The following DIAPH3 variants were observed in gnomAD, a reference collection of about 807,000 sequenced individuals.
DIAPH3 encodes the protein diaphanous related formin 3.
In DIAPH3, 117 loss-of-function variants were observed where a neutral mutation model predicts 144.3. The ratio of observed to expected loss-of-function variants is 0.81; its 90% CI spans 0.70 to 0.95. DIAPH3 has a LOEUF of 0.95. Ranked by LOEUF, DIAPH3 falls within the 40% of genes least tolerant of loss-of-function variation. DIAPH3 has a pLI of 0.00. For synonymous variants in DIAPH3, 519 were observed against 488.9 expected (o/e 1.06, Z -0.81); for missense variants, 1,421 against 1,412.7 (o/e 1.01, Z -0.09).
intron 25 of DIAPH3, among the ~76,000 whole-genome samples, chr13:59,801,686 G>C (rs1178708291): frequency 2.6e-5 from 4 of 152,104 alleles, no homozygotes; most frequent in African/African-American, 9.7e-5. Flanking sequence ...GGGCATTCTA[G>C]CCTGTGTTAA....
At chr13:59,707,985 T>TA (rs34813239) in intron 27 of DIAPH3, among the ~76,000 whole-genome samples, 2,593 of 142,484 alleles carry the variant, frequency 0.018, 69 homozygotes, top group East Asian at 0.12. Context: ...CTCTCATCTT[T>TA]AAAAAAAAAA....
intron 2 of DIAPH3, among the ~76,000 whole-genome samples, chr13:60,130,884 G>T (rs1024929520): frequency 2.6e-5 from 4 of 152,090 alleles, no homozygotes; most frequent in Admixed American, 1.3e-4. Context: ...GTCAGAGAAA[G>T]AACTAAGAAA....
intron 15 of DIAPH3, 140 bp from the exon 16 acceptor site, chr13:59,971,300 C>A: frequency 1.3e-6 from 1 of 782,950 alleles, no homozygotes; most frequent in Non-Finnish European, 1.9e-6. Flanking sequence ...AACCAAAAAT[C>A]AAAATTCCAA....
chr13:59,935,337 C>T (rs2048214516), intron 17 of DIAPH3, among the ~76,000 whole-genome samples: 1 of 152,132 alleles, frequency 6.6e-6, no homozygotes, highest in Non-Finnish European at 1.5e-5. Flanking sequence ...CACTACCTCT[C>T]AAGTAGTGGG....
chr13:59,700,344 G>A (rs2138745151), intron 27 of DIAPH3, among the ~76,000 whole-genome samples: 1 of 152,230 alleles, frequency 6.6e-6, no homozygotes, highest in South Asian at 2.1e-4. Context: ...CTGGAATAGA[G>A]GGATGAATGT....
intron 17 of DIAPH3, among the ~76,000 whole-genome samples, chr13:59,964,015 A>G (rs1335623309): frequency 1.3e-5 from 2 of 152,364 alleles, no homozygotes; most frequent in African/African-American, 4.8e-5. Context: ...AAAATAGGGA[A>G]GTGAACTTTA....
intron 21 of DIAPH3, among the ~76,000 whole-genome samples, chr13:59,868,964 A>G (rs2044095013): frequency 6.6e-6 from 1 of 152,200 alleles, no homozygotes; most frequent in Non-Finnish European, 1.5e-5. Flanking sequence ...CCATTCACCT[A>G]TTGAAGGACA....
chr13:59,838,917 T>G (rs2042183976), intron 23 of DIAPH3: 1 of 174,332 alleles, frequency 5.7e-6, no homozygotes, highest in African/African-American at 2.4e-5. Context: ...GATACCAGTC[T>G]GGCGAATATG....
intron 3 of DIAPH3, among the ~76,000 whole-genome samples, chr13:60,109,996 G>A (rs535898524): frequency 6.6e-6 from 1 of 152,280 alleles, no homozygotes; most frequent in Non-Finnish European, 1.5e-5. Flanking sequence ...TTTTAAGAAT[G>A]CACACAGAAA....
chr13:59,670,775 G>A (rs1032123749), intron 27 of DIAPH3, among the ~76,000 whole-genome samples: 1 of 152,046 alleles, frequency 6.6e-6, no homozygotes, highest in African/African-American at 2.4e-5. Context: ...AGTAAAGACG[G>A]GGTTTCACTG....
chr13:59,991,117 T>G, intron 12 of DIAPH3, 41 bp downstream of exon 12: 1 of 1,279,128 alleles, frequency 7.8e-7, no homozygotes, highest in Non-Finnish European at 1.1e-6. Flanking sequence ...TAATAGATTT[T>G]TATTAGTGAA....
intron 2 of DIAPH3, among the ~76,000 whole-genome samples, chr13:60,123,958 T>G (rs1048750894): frequency 6.6e-6 from 1 of 152,206 alleles, no homozygotes; most frequent in Non-Finnish European, 1.5e-5. Flanking sequence ...TAGGCACAAA[T>G]TCAGGTAATT....
chr13:59,913,366 GCA>G (rs1269128928), intron 19 of DIAPH3, among the ~76,000 whole-genome samples: 1 of 152,054 alleles, frequency 6.6e-6, no homozygotes, highest in African/African-American at 2.4e-5. Flanking sequence ...GCTAAATTCT[GCA>G]CAGACAGGCA....
At chr13:59,715,349 A>G (rs2034993493) in intron 27 of DIAPH3, among the ~76,000 whole-genome samples, 1 of 152,218 alleles carries the variant, frequency 6.6e-6, no homozygotes, top group African/African-American at 2.4e-5. Context: ...AGGGTTCTAA[A>G]GAAAACTTGT....
intron 4 of DIAPH3, among the ~76,000 whole-genome samples, chr13:60,054,894 G>A (rs1210919636): frequency 2.6e-5 from 4 of 151,842 alleles, no homozygotes; most frequent in Non-Finnish European, 4.4e-5. Flanking sequence ...GATCTCCAGT[G>A]CCAATAAAAT....
At position 59,754,934 on chromosome 13, in the gene DIAPH3, C is replaced by CACA. The variant is rs2037182159; in HGVS notation, c.3319+19252_3319+19254dup. Among the ~76,000 whole-genome samples the CACA allele has an allele frequency of 5.9e-5, 9 of 152,254 alleles. No individual in the cohort carries two copies. The South Asian group carries it at 1.7e-3, about 28-fold the overall frequency. Reference sequence around the variant, plus strand: ...ATTTTACTGACCAAAAAACCTGAGGCACAAGAAGGAAGTGACTTGCTAAAG... The same window carrying CACA: ...ATTTTACTGACCAAAAAACCTGAGGCACAACAAGAAGGAAGTGACTTGCTAAAG... On this transcript the variant is annotated intron_variant, in intron 27 of 27. Coordinates refer to ENST00000400324, the MANE Select transcript of DIAPH3 (RefSeq NM_001042517.2).
chr13:59,965,897 G>T (rs1048223540), intron 17 of DIAPH3, among the ~76,000 whole-genome samples: 5 of 151,998 alleles, frequency 3.3e-5, no homozygotes, highest in African/African-American at 1.2e-4. Flanking sequence ...TTATTGAGTG[G>T]AACAGTGGTA....
chr13:59,741,843 T>C (rs2139051799), intron 27 of DIAPH3, among the ~76,000 whole-genome samples: 1 of 152,176 alleles, frequency 6.6e-6, no homozygotes, highest in East Asian at 1.9e-4. Flanking sequence ...AAATATTTCC[T>C]ACCTATTGCA....
chr13:59,803,829 CAG>C (rs1014274524), intron 25 of DIAPH3, among the ~76,000 whole-genome samples: 1 of 152,128 alleles, frequency 6.6e-6, no homozygotes, highest in African/African-American at 2.4e-5. Flanking sequence ...AGTTAACTGA[CAG>C]AGAGACTCTT....
Sources: allele counts gnomAD v4.1 joint callset (sites outside exome capture counted in the v4.1 genomes callset), GRCh38; gene constraint gnomAD v4.1.1; transcripts MANE v1.5; gene names NCBI Gene and HGNC (gene_info 2026-07-23, HGNC 2026-07-21).